Variants in OCA2 observed in about 807,000 individuals in gnomAD.
The protein encoded by OCA2 is P protein.
OCA2 carries 77 observed loss-of-function variants against 100.2 expected under a neutral mutation model. The observed-to-expected ratio is 0.77, with a 90% CI of 0.64 to 0.93. The LOEUF (loss-of-function observed/expected upper bound fraction) is 0.93, where lower values mean the gene tolerates loss of function less well. Among genes scored for constraint, OCA2 ranks in the 40% least tolerant of loss-of-function variants. OCA2 has a pLI of 0.00. For synonymous variants in OCA2, 432 were observed against 439.2 expected (o/e 0.98, Z 0.21); for missense variants, 1,062 against 1,089.1 (o/e 0.98, Z 0.35).
At chr15:27,790,383 G>C (rs1255505893) in intron 23 of OCA2, among the ~76,000 whole-genome samples, 1 of 152,182 alleles carries the variant, frequency 6.6e-6, no homozygotes, top group African/African-American at 2.4e-5. Flanking sequence ...CTAGGTGAGA[G>C]AAATGAAAAC....
intron 9 of OCA2, among the ~76,000 whole-genome samples, chr15:28,006,512 C>G (rs564338466): frequency 1.3e-5 from 2 of 152,322 alleles, no homozygotes; most frequent in Admixed American, 1.3e-4. Flanking sequence ...GCCCAGTGGC[C>G]AGAAGACCTA....
intron 3 of OCA2, among the ~76,000 whole-genome samples, chr15:28,030,626 C>T (rs1170138145): frequency 2.6e-5 from 4 of 152,154 alleles, no homozygotes; most frequent in Non-Finnish European, 5.9e-5. Context: ...CCCTAAAGTG[C>T]GAAGCCCTGG....
chr15:27,832,862 G>T (rs1366014977), intron 23 of OCA2, among the ~76,000 whole-genome samples: 1 of 147,122 alleles, frequency 6.8e-6, no homozygotes, highest in African/African-American at 2.6e-5. Context: ...GCCTAGGCTG[G>T]AGTGCAGCAG....
chr15:27,913,904 C>CAAAA lies in OCA2; in HGVS notation c.2079+12222_2079+12223insTTTT, dbSNP rs1567098864. ...GAAAGAAAGAAAGAAAGCAAGCAAG[C>CAAAA]AAGCAAGCAAGCAAGCAAGCAAGCA... On this transcript the variant is annotated intron_variant, in intron 19 of 23. Transcript: ENST00000354638. 3.9e-5 allele frequency among the ~76,000 whole-genome samples: 2 copies of CAAAA among 51,856 alleles called. 1 individual carries two copies. The highest frequency in any genetic ancestry group is 6.8e-5 in the Non-Finnish European group (2 of 29,358). 34.0% of individuals were successfully genotyped at this position (51,856 alleles called of 152,430 possible). A position where few individuals can be genotyped will look rare whatever the true frequency, so the allele number is the denominator to read the frequency against.
rs1237652308 is a variant in OCA2, at chr15:27,954,662, TG to T, written c.1842+495del. Among the ~76,000 whole-genome samples the T allele has an allele frequency of 2.0e-5, 3 of 151,002 alleles. No individual in the cohort carries two copies. In the East Asian group the frequency reaches 5.8e-4, roughly 29 times the overall value. On this transcript the variant is annotated intron_variant, in intron 17 of 23. Coordinates refer to ENST00000354638, the MANE Select transcript of OCA2 (RefSeq NM_000275.3). ...GGAAGGGGTCCTCTGTGTTCATAAA[TG>T]GGCTGAGAAAGTCCACCCCCATGGA... is the stretch of plus-strand genomic sequence containing the variant.
chr15:28,081,528 G>T, intron 2 of OCA2, 120 bp downstream of exon 2: 1 of 915,388 alleles, frequency 1.1e-6, no homozygotes, highest in Non-Finnish European at 1.8e-6. Flanking sequence ...ATCTAATGCT[G>T]GAAAAATTCT....
intron 23 of OCA2, among the ~76,000 whole-genome samples, chr15:27,828,168 T>C (rs2034807895): frequency 6.6e-6 from 1 of 152,136 alleles, no homozygotes; most frequent in Non-Finnish European, 1.5e-5. Flanking sequence ...CCCGAACCCC[T>C]ACCCCCTGCC....
intron 1 of OCA2, among the ~76,000 whole-genome samples, chr15:28,083,395 C>G (rs140322192): frequency 6.6e-6 from 1 of 152,234 alleles, no homozygotes; most frequent in African/African-American, 2.4e-5. Flanking sequence ...CTTTAACCAA[C>G]CACTTATGCT....
chr15:27,891,861 C>T (rs1009026907), intron 19 of OCA2, among the ~76,000 whole-genome samples: 2 of 151,704 alleles, frequency 1.3e-5, no homozygotes, highest in Non-Finnish European at 2.9e-5. Context: ...GAAAAAATAA[C>T]CCAACTATAT....
chr15:27,881,130 A>ATCTTTAGT (rs1355033435), intron 19 of OCA2, among the ~76,000 whole-genome samples: 2 of 152,068 alleles, frequency 1.3e-5, no homozygotes, highest in Non-Finnish European at 2.9e-5. Context: ...TGTGGTTTTT[A>ATCTTTAGT]TCTTTAGTTC....
intron 23 of OCA2, among the ~76,000 whole-genome samples, chr15:27,806,608 G>GAAGC (rs2033862304): frequency 2.0e-5 from 3 of 152,220 alleles, no homozygotes; most frequent in African/African-American, 7.2e-5. Flanking sequence ...CCCGCCGTCC[G>GAAGC]CTGTGCGCTC....
At chr15:27,788,830 A>T (rs891479829) in intron 23 of OCA2, among the ~76,000 whole-genome samples, 4 of 151,496 alleles carry the variant, frequency 2.6e-5, no homozygotes, top group African/African-American at 9.7e-5. Flanking sequence ...ATGTTTTCTG[A>T]CCTACTATTT....
intron 23 of OCA2, among the ~76,000 whole-genome samples, chr15:27,760,666 G>T (rs1051581712): frequency 7.2e-5 from 11 of 152,146 alleles, no homozygotes; most frequent in Non-Finnish European, 1.2e-4. Flanking sequence ...AAGATTAAAA[G>T]TTTCTCATAT....
At chr15:27,940,301 C>T (rs951883580) in intron 18 of OCA2, among the ~76,000 whole-genome samples, 3 of 152,132 alleles carry the variant, frequency 2.0e-5, no homozygotes, top group Admixed American at 6.5e-5. Context: ...GCTCCCCACA[C>T]CTGTCACTCT....
intron 1 of OCA2, among the ~76,000 whole-genome samples, chr15:28,082,458 C>G (rs1233648792): frequency 6.6e-6 from 1 of 152,126 alleles, no homozygotes; most frequent in South Asian, 2.1e-4. Context: ...GAGCAAGAAC[C>G]CACCAGAAGG....
At chr15:28,042,472 C>CAAAAAAAAAAA (rs972724008) in intron 2 of OCA2, among the ~76,000 whole-genome samples, 2 of 97,270 alleles carry the variant, frequency 2.1e-5, no homozygotes, top group South Asian at 3.0e-4. Flanking sequence ...ACTAAAAATA[C>CAAAAAAAAAAA]AAAAAAAAAA....
chr15:28,004,023 G>A (rs1447784309), intron 9 of OCA2, among the ~76,000 whole-genome samples: 2 of 152,354 alleles, frequency 1.3e-5, no homozygotes, highest in Non-Finnish European at 2.9e-5. Context: ...TCCAGCCGCT[G>A]CCACCCAGGC....
chr15:28,001,933 G>A (rs2041941011), intron 9 of OCA2, among the ~76,000 whole-genome samples: 1 of 152,196 alleles, frequency 6.6e-6, no homozygotes, highest in South Asian at 2.1e-4. Flanking sequence ...CTGGAGCCTG[G>A]AGAGGCCGAG....
At chr15:28,060,337 A>G (rs7184011) in intron 2 of OCA2, among the ~76,000 whole-genome samples, 14,838 of 152,310 alleles carry the variant, frequency 0.097, 874 homozygotes, top group African/African-American at 0.16. Flanking sequence ...GCCTTGCGAA[A>G]TGATCACCTT....
Sources: gnomAD v4.1 joint callset for allele counts (sites outside exome capture counted in the v4.1 genomes callset) on GRCh38, gnomAD v4.1.1 for gene constraint, MANE v1.5 for transcripts, NCBI Gene and HGNC (gene_info 2026-07-23, HGNC 2026-07-21) for gene names.